GTF2IRD1: variants seen among roughly 807,000 people sequenced by gnomAD.
GTF2IRD1 encodes the protein GTF2I repeat domain containing 1, also known as general transcription factor II-I repeat domain-containing protein 1.
Under a neutral mutation model 113.2 loss-of-function variants are expected in GTF2IRD1, and 26 were observed. The ratio of observed to expected loss-of-function variants is 0.23; its 90% CI spans 0.17 to 0.32. GTF2IRD1 has a LOEUF of 0.32. Ranked by LOEUF, GTF2IRD1 falls within the 10% of genes least tolerant of loss-of-function variation. The pLI is 1.00. For synonymous variants in GTF2IRD1, 484 were observed against 529.1 expected (o/e 0.91, Z 1.17); for missense variants, 864 against 1,280.8 (o/e 0.67, Z 4.97).
At chr7:74,493,722 C>A (rs1795494922) in intron 1 of GTF2IRD1, among the ~76,000 whole-genome samples, 1 of 151,710 alleles carries the variant, frequency 6.6e-6, no homozygotes, top group Non-Finnish European at 1.5e-5. Flanking sequence ...TCTGAGGGGA[C>A]CTTATTCTCA....
intron 24 of GTF2IRD1, among the ~76,000 whole-genome samples, chr7:74,594,303 C>T (rs1285741260): frequency 6.6e-6 from 1 of 151,798 alleles, no homozygotes; most frequent in Non-Finnish European, 1.5e-5. Context: ...TCGATTGAGC[C>T]CAGGAGTTCG....
intron 22 of GTF2IRD1, among the ~76,000 whole-genome samples, chr7:74,580,792 G>GGGTT (rs1451406106): frequency 6.6e-6 from 1 of 152,160 alleles, no homozygotes; most frequent in Non-Finnish European, 1.5e-5. Context: ...CTGCGGGGAT[G>GGGTT]GGTTCTTTCA....
intron 2 of GTF2IRD1, among the ~76,000 whole-genome samples, chr7:74,509,661 G>GTTTTTT (rs146128226): frequency 1.3e-5 from 2 of 151,158 alleles, no homozygotes; most frequent in Admixed American, 6.6e-5. Context: ...AGCATGACCA[G>GTTTTTT]TTTTGTTTTG....
intron 1 of GTF2IRD1, among the ~76,000 whole-genome samples, chr7:74,464,895 A>T (rs938143869): frequency 1.3e-4 from 19 of 151,682 alleles, no homozygotes; most frequent in Admixed American, 6.6e-5. Flanking sequence ...CAAAGGCTGG[A>T]CCCTGGGGCC....
At chr7:74,511,880 A>C (rs1554343052) in intron 2 of GTF2IRD1, among the ~76,000 whole-genome samples, 1 of 152,206 alleles carries the variant, frequency 6.6e-6, no homozygotes, top group African/African-American at 2.4e-5. Context: ...GACCCCCTAC[A>C]TTAAGGCCTC....
intron 8 of GTF2IRD1, 29 bp downstream of exon 8, chr7:74,524,183 GC>G: frequency 6.9e-7 from 1 of 1,455,078 alleles, no homozygotes; most frequent in Non-Finnish European, 9.5e-7. Flanking sequence ...CCGCCGTGTG[GC>G]CCCAGCAGCC....
At chr7:74,476,592 G>C (rs1452430928) in intron 1 of GTF2IRD1, among the ~76,000 whole-genome samples, 2 of 151,942 alleles carry the variant, frequency 1.3e-5, no homozygotes, top group African/African-American at 4.8e-5. Flanking sequence ...TCAAACTCCT[G>C]ACCTTAAGTG....
chr7:74,600,675 G>A (rs1411330333), intron 25 of GTF2IRD1, among the ~76,000 whole-genome samples: 1 of 152,016 alleles, frequency 6.6e-6, no homozygotes, highest in Non-Finnish European at 1.5e-5. Flanking sequence ...CGCGCCACTG[G>A]ACTCCAGGCT....
intron 24 of GTF2IRD1, among the ~76,000 whole-genome samples, chr7:74,591,877 C>T (rs1312804174): frequency 9.9e-5 from 15 of 151,462 alleles, no homozygotes; most frequent in African/African-American, 3.4e-4. Flanking sequence ...ACCTCGGCCT[C>T]CCAAAGTGCT....
At chr7:74,548,210 G>A (rs1799074370) in intron 17 of GTF2IRD1, among the ~76,000 whole-genome samples, 1 of 151,984 alleles carries the variant, frequency 6.6e-6, no homozygotes, top group Non-Finnish European at 1.5e-5. Context: ...GAGGTCAGGA[G>A]ATCGAGACCA....
rs1554350897 is a variant in GTF2IRD1 at position 74,538,723 on chromosome 7, G to A, written c.1491G>A (p.Glu497=). 2 of 1,607,138 alleles carry A rather than the reference G, an allele frequency of 1.2e-6. No homozygotes were observed. Among genetic ancestry groups the A allele is most frequent in the East Asian group, 2.2e-5 (1 of 44,848 alleles). The part of the protein sequence containing the change: ...ELGGLRPIKI[E]PEDLDIIQVT... Reference sequence around the variant, plus strand: ...GCGGGCTGAGGCCGATCAAAATTGAGCCAGAGGATCTGGACATCATTCAGG... The same window carrying A: ...GCGGGCTGAGGCCGATCAAAATTGAACCAGAGGATCTGGACATCATTCAGG... The change falls in exon 13 of 27, where the codon GAG becomes GAA. Residue 497 remains glutamate (E), a synonymous_variant. Transcript: ENST00000424337.
chr7:74,516,128 A>G (rs781882663), intron 4 of GTF2IRD1, among the ~76,000 whole-genome samples: 14 of 152,298 alleles, frequency 9.2e-5, no homozygotes, highest in Non-Finnish European at 1.9e-4. Flanking sequence ...TGCATTTCAC[A>G]TGCCCTGGAC....
intron 1 of GTF2IRD1, among the ~76,000 whole-genome samples, chr7:74,458,329 G>A (rs1200482789): frequency 6.6e-6 from 1 of 152,080 alleles, no homozygotes; most frequent in Non-Finnish European, 1.5e-5. Flanking sequence ...CGTGAACCTG[G>A]CCAGAAGACA....
intron 7 of GTF2IRD1, among the ~76,000 whole-genome samples, chr7:74,522,839 A>ATT (rs1442502673): frequency 6.6e-6 from 1 of 152,256 alleles, no homozygotes; most frequent in Non-Finnish European, 1.5e-5. Context: ...ATAGGATATT[A>ATT]TTATATATAT....
chr7:74,560,443 AT>A (rs1306715530), intron 22 of GTF2IRD1, among the ~76,000 whole-genome samples: 1 of 147,886 alleles, frequency 6.8e-6, no homozygotes, highest in Non-Finnish European at 1.5e-5. Flanking sequence ...TTTTAAAAAA[AT>A]ATTTTATATA....
chr7:74,576,484 C>A lies in GTF2IRD1; in HGVS notation c.2321-13367C>A, dbSNP rs587753536. Among the ~76,000 whole-genome samples the A allele has an allele frequency of 1.7e-4, 26 of 150,236 alleles. No homozygotes were observed. The East Asian group carries it at 5.0e-3, about 29-fold the overall frequency. ...GCTGAGGCAAGAGAATCCCTTGAAC[C>A]CAGGAGGCGGAGTTTGCAGTGAGCT... On this transcript the variant is annotated intron_variant, in intron 22 of 26. Transcript: ENST00000424337.
intron 22 of GTF2IRD1, among the ~76,000 whole-genome samples, chr7:74,575,827 G>A (rs1801012010): frequency 6.6e-6 from 1 of 152,136 alleles, no homozygotes; most frequent in African/African-American, 2.4e-5. Flanking sequence ...GCTCAGGGGA[G>A]CAGTCCAGGC....
chr7:74,537,183 G>T (rs1798347432), intron 11 of GTF2IRD1, among the ~76,000 whole-genome samples: 1 of 152,092 alleles, frequency 6.6e-6, no homozygotes, highest in African/African-American at 2.4e-5. Context: ...GCTGAGCCAG[G>T]CAGATCACCT....
At chr7:74,486,389 C>T (rs1305348300) in intron 1 of GTF2IRD1, among the ~76,000 whole-genome samples, 9 of 152,208 alleles carry the variant, frequency 5.9e-5, no homozygotes, top group Non-Finnish European at 1.2e-4. Flanking sequence ...TCTCTCTCTC[C>T]TCTGGCTGAG....
Sources: gnomAD v4.1 joint callset for allele counts (sites outside exome capture counted in the v4.1 genomes callset) on GRCh38, gnomAD v4.1.1 for gene constraint, MANE v1.5 for transcripts, NCBI Gene and HGNC (gene_info 2026-07-23, HGNC 2026-07-21) for gene names.